Variants in COL21A1 observed in about 807,000 individuals in gnomAD.
The protein encoded by COL21A1 is collagen alpha-1(XXI) chain.
COL21A1 carries 149 observed loss-of-function variants against 137.9 expected under a neutral mutation model. That is an observed-to-expected ratio of 1.08 (90% CI 0.95 to 1.24). COL21A1 has a LOEUF of 1.24. Ranked by LOEUF, COL21A1 falls within the 50% of genes most tolerant of loss-of-function variation. The probability of loss-of-function intolerance (pLI) is 0.00; values close to 1 mark genes in which losing one functional copy is unlikely to be tolerated. For synonymous variants in COL21A1, 456 were observed against 391.5 expected (o/e 1.16, Z -1.95); for missense variants, 1,167 against 1,158.4 (o/e 1.01, Z -0.11).
chr6:56,364,998 G>T (rs1766066012), intron 1 of COL21A1, among the ~76,000 whole-genome samples: 1 of 152,052 alleles, frequency 6.6e-6, no homozygotes, highest in Admixed American at 6.6e-5. Context: ...GACGACTCTG[G>T]GATGCTCATG....
At chr6:56,378,254 C>T (rs2094003111) in intron 1 of COL21A1, among the ~76,000 whole-genome samples, 1 of 152,092 alleles carries the variant, frequency 6.6e-6, no homozygotes, top group South Asian at 2.1e-4. Context: ...AGTGGGGCCC[C>T]AAGAACTAAG....
intron 17 of COL21A1, among the ~76,000 whole-genome samples, chr6:56,093,819 T>C (rs1361174558): frequency 6.6e-6 from 1 of 152,292 alleles, no homozygotes; most frequent in South Asian, 2.1e-4. Context: ...GTTTCCTGTA[T>C]ATATAATGAG....
At chr6:56,225,683 A>G (rs536274373) in intron 1 of COL21A1, among the ~76,000 whole-genome samples, 131 of 152,224 alleles carry the variant, frequency 8.6e-4, no homozygotes, top group African/African-American at 3.0e-3. Context: ...AATTTTAAAC[A>G]TATTCATGGC....
chr6:56,177,561 A>C (rs1038293974), intron 3 of COL21A1, among the ~76,000 whole-genome samples: 1 of 152,132 alleles, frequency 6.6e-6, no homozygotes, highest in African/African-American at 2.4e-5. Flanking sequence ...TGGGAGGCTG[A>C]GGCGGGCGGA....
At chr6:56,329,084 A>C (rs1214329275) in intron 1 of COL21A1, among the ~76,000 whole-genome samples, 1 of 152,140 alleles carries the variant, frequency 6.6e-6, no homozygotes, top group Non-Finnish European at 1.5e-5. Flanking sequence ...CAGTTTTGTC[A>C]TCTTTAAAAT....
chr6:56,198,931 T>G (rs896763189), intron 1 of COL21A1, among the ~76,000 whole-genome samples: 6 of 152,170 alleles, frequency 3.9e-5, no homozygotes, highest in African/African-American at 1.4e-4. Context: ...ATGAGTTTTC[T>G]TTTTTATTAA....
chr6:56,323,288 T>C (rs1338073339), intron 1 of COL21A1, among the ~76,000 whole-genome samples: 1 of 152,172 alleles, frequency 6.6e-6, no homozygotes, highest in Non-Finnish European at 1.5e-5. Context: ...AAGTTTTTCA[T>C]ATTGTTTTCT....
intron 16 of COL21A1, among the ~76,000 whole-genome samples, chr6:56,121,634 C>T (rs949568394): frequency 6.7e-6 from 1 of 149,960 alleles, no homozygotes; most frequent in East Asian, 1.9e-4. Context: ...AGAATTAACT[C>T]TAACATAAAC....
intron 1 of COL21A1, among the ~76,000 whole-genome samples, chr6:56,200,180 G>A (rs988544186): frequency 6.6e-6 from 1 of 152,148 alleles, no homozygotes; most frequent in Non-Finnish European, 1.5e-5. Flanking sequence ...GGAGCAAGAC[G>A]AAGAATGACA....
At chr6:56,163,737 TAAATTGCATAGAAAA>T (rs1244616165) in intron 9 of COL21A1, among the ~76,000 whole-genome samples, 5 of 151,948 alleles carry the variant, frequency 3.3e-5, no homozygotes, top group African/African-American at 1.2e-4. Flanking sequence ...TCATTAATAT[TAAATTGCATAGAAAA>T]ATATTCAGAA....
At chr6:56,285,898 T>C (rs9475654) in intron 1 of COL21A1, among the ~76,000 whole-genome samples, 37,693 of 150,768 alleles carry the variant, frequency 0.25, 5,245 homozygotes, top group Non-Finnish European at 0.31. Flanking sequence ...CTGCCACAAA[T>C]GATTCCCTTT....
At chr6:56,124,861 G>C (rs1302500438) in intron 14 of COL21A1, among the ~76,000 whole-genome samples, 1 of 151,964 alleles carries the variant, frequency 6.6e-6, no homozygotes, top group Non-Finnish European at 1.5e-5. Context: ...TAGCCAGGAT[G>C]GTCTCGATCT....
chr6:56,151,782 G>A (rs570984716), intron 10 of COL21A1, among the ~76,000 whole-genome samples: 36 of 152,142 alleles, frequency 2.4e-4, no homozygotes, highest in Non-Finnish European at 4.7e-4. Flanking sequence ...GCCAGCCAGA[G>A]GCCCCACCCA....
intron 16 of COL21A1, among the ~76,000 whole-genome samples, chr6:56,113,192 C>G (rs977160067): frequency 6.6e-6 from 1 of 152,208 alleles, no homozygotes; most frequent in East Asian, 1.9e-4. Flanking sequence ...GGGAGGCACA[C>G]AACATACTGA....
At chr6:56,065,139 A>G (rs775980050) in intron 23 of COL21A1, among the ~76,000 whole-genome samples, 6 of 152,096 alleles carry the variant, frequency 3.9e-5, no homozygotes, top group Non-Finnish European at 7.4e-5. Flanking sequence ...GTATAAACAC[A>G]TTTATCTATT....
intron 2 of COL21A1, among the ~76,000 whole-genome samples, chr6:56,181,838 A>AG (rs1287525385): frequency 6.6e-6 from 1 of 152,186 alleles, no homozygotes; most frequent in African/African-American, 2.4e-5. Flanking sequence ...CACCCAAGAA[A>AG]AAAACAAAGG....
At chr6:56,092,327 C>T (rs1202019031) in intron 17 of COL21A1, among the ~76,000 whole-genome samples, 1 of 152,052 alleles carries the variant, frequency 6.6e-6, no homozygotes, top group East Asian at 1.9e-4. Flanking sequence ...CATAATTAAA[C>T]CATACGATTT....
chr6:56,318,949 CTT>C (rs1323309285), intron 1 of COL21A1, among the ~76,000 whole-genome samples: 1 of 151,056 alleles, frequency 6.6e-6, no homozygotes, highest in Non-Finnish European at 1.5e-5. Flanking sequence ...CACACACACT[CTT>C]AAACCCACTT....
chr6:56,311,387 T>A (rs1764610809), intron 1 of COL21A1, among the ~76,000 whole-genome samples: 1 of 152,230 alleles, frequency 6.6e-6, no homozygotes, highest in Non-Finnish European at 1.5e-5. Flanking sequence ...CTAATTATTG[T>A]AATGTGTGCT....
Sources: gnomAD v4.1 joint callset for allele counts (sites outside exome capture counted in the v4.1 genomes callset) on GRCh38, gnomAD v4.1.1 for gene constraint, MANE v1.5 for transcripts, NCBI Gene and HGNC (gene_info 2026-07-23, HGNC 2026-07-21) for gene names.